Variants in UBE3B observed in about 807,000 individuals in gnomAD.
The protein encoded by UBE3B is ubiquitin protein ligase E3B.
In UBE3B, 80 loss-of-function variants were observed where a neutral mutation model predicts 132.3. The ratio of observed to expected loss-of-function variants is 0.60; its 90% confidence interval spans 0.50 to 0.73. The LOEUF (loss-of-function observed/expected upper bound fraction) is 0.73, where lower values mean the gene tolerates loss of function less well. Ranked by LOEUF, UBE3B falls within the 30% of genes least tolerant of loss-of-function variation. The pLI is 0.00. For synonymous variants in UBE3B, 487 were observed against 520.4 expected, an observed-to-expected ratio of 0.94 and a Z score of 0.87; for missense variants, 1,196 against 1,362.5, an observed-to-expected ratio of 0.88 and a Z score of 1.92.
At position 109,530,011 on chromosome 12, in the gene UBE3B, A is replaced by G. The variant is rs768598293; in HGVS notation, c.2749A>G (p.Thr917Ala). 7 of 1,612,742 alleles carry G rather than the reference A, an allele frequency of 4.3e-6. No individual in the cohort carries two copies. In the East Asian group the frequency reaches 8.9e-5, roughly 21 times the overall value. The part of the protein sequence containing the change: ...IKPEWIRMFS[T>A]PELQRLISGD... ...ACCCGAGTGGATCCGAATGTTCTCA[A>G]CTCCTGAACTGCAGCGTCTCATCTC... The change falls in exon 25 of 28, where the codon ACT (threonine) becomes GCT (alanine). Residue 917 changes from threonine to alanine, a missense_variant. By Grantham distance (58) the Thr-to-Ala change is moderately conservative. Transcript: ENST00000342494.
At position 109,495,937 on chromosome 12, in the gene UBE3B, TGTTTATGGCCAGTTTTGGGGCCA is replaced by T. The variant is rs1186814216; in HGVS notation, c.714-1868_714-1846del. On this transcript the variant is annotated intron_variant, in intron 9 of 27. Coordinates refer to ENST00000342494, the MANE Select transcript of UBE3B (RefSeq NM_130466.4). The stretch of plus-strand genomic sequence containing the variant: ...ACATGTCACAATGCTGCAGAGATTT[TGTTTATGGCCAGTTTTGGGGCCA>T]GTTTATGGCCAGATTTTGGGGGCCT... Among the ~76,000 whole-genome samples, 7 of 152,256 alleles carry T rather than the reference TGTTTATGGCCAGTTTTGGGGCCA, an allele frequency of 4.6e-5. No homozygotes were observed. In the East Asian group the frequency reaches 1.3e-3, roughly 29 times the overall value.
At chr12:109,542,750 C>A in the UBE3B span, among the ~76,000 whole-genome samples, 3 of 152,210 alleles carry the variant, frequency 2.0e-5, no homozygotes, top group Non-Finnish European at 2.9e-5. Context: ...AGGCTAGGAA[C>A]AGATTCTCCT....
Position 109,511,392 on chromosome 12 carries a change from G to A in UBE3B, c.1956+89G>A, listed in dbSNP as rs1681203356. 1.4e-5 allele frequency: 16 copies of A among 1,169,024 alleles called. No homozygotes were observed. The South Asian group carries it at 2.1e-4, about 15-fold the overall frequency. 72.4% of individuals were successfully genotyped at this position (1,169,024 alleles called of 1,614,324 possible). A position where few individuals can be genotyped will look rare whatever the true frequency, so the allele number is the denominator to read the frequency against. ...TCCATCCTTGCTATGGCAATTGGAG[G>A]TGACTAAGTGGGATCATTCATTCAG... On this transcript the variant is annotated intron_variant, in intron 18 of 27. Coordinates refer to ENST00000342494, the MANE Select transcript of UBE3B (RefSeq NM_130466.4).
chr12:109,543,365 C>T, the UBE3B span, among the ~76,000 whole-genome samples: 3 of 111,870 alleles, frequency 2.7e-5, no homozygotes, highest in Admixed American at 8.4e-5. Flanking sequence ...GGGAGTGGCT[C>T]GGCACGGGGT....
At position 109,491,818 on chromosome 12, in the gene UBE3B, C is replaced by G. The variant is rs545671482; in HGVS notation, c.713+691C>G. On this transcript the variant is annotated intron_variant, in intron 9 of 27. Coordinates refer to ENST00000342494, the MANE Select transcript of UBE3B (RefSeq NM_130466.4). ...CCCCCATCTGTGGATCTACAGTACA[C>G]CTTCATGCTGAGAGCTCTGAGAAGT... 19 of 152,356 alleles carry G rather than the reference C, an allele frequency of 1.2e-4. No individual in the cohort carries two copies. The East Asian group carries it at 3.7e-3, about 29-fold the overall frequency. 9.4% of individuals were successfully genotyped at this position (152,356 alleles called of 1,614,324 possible).
intron 4 of UBE3B, among the ~76,000 whole-genome samples, chr12:109,484,382 T>C: frequency 6.6e-6 from 1 of 152,140 alleles, no homozygotes; most frequent in East Asian, 1.9e-4. Context: ...CACACCTCGG[T>C]GGTGGACTCA....
intron 16 of UBE3B, 46 bp from the exon 17 acceptor site, chr12:109,510,298 C>G: frequency 6.7e-7 from 1 of 1,490,738 alleles, no homozygotes; most frequent in East Asian, 2.4e-5. Flanking sequence ...CCCTTGCTCT[C>G]TGGCTCTGAC....
chr12:109,527,902 G>C (rs1592968143), intron 24 of UBE3B, among the ~76,000 whole-genome samples: 1 of 152,184 alleles, frequency 6.6e-6, no homozygotes, highest in African/African-American at 2.4e-5. Flanking sequence ...TGGGTGACGT[G>C]TCACATGGAT....
intron 18 of UBE3B, among the ~76,000 whole-genome samples, chr12:109,515,357 C>T (rs974283069): frequency 1.0e-5 from 1 of 99,322 alleles, no homozygotes; most frequent in African/African-American, 5.2e-5. Context: ...ACTATTATTA[C>T]TGTTTTTTTG....
rs1566076790 is a variant in UBE3B at position 109,488,673 on chromosome 12, G to A, written c.544+5G>A. 4.3e-6 allele frequency: 7 copies of A among 1,613,024 alleles called. No homozygotes were observed. In the East Asian group the frequency reaches 1.1e-4, roughly 26 times the overall value. ...GGAAAATTCTTCGGGGAAAAGGTCT[G>A]TGGGACTTGCTTCAAAATGTTCTCT... On this transcript the variant is annotated splice_donor_5th_base_variant and intron_variant, in intron 7 of 27. Transcript: ENST00000342494.
chr12:109,487,591 C>T (rs1876730387), intron 6 of UBE3B, among the ~76,000 whole-genome samples: 1 of 152,210 alleles, frequency 6.6e-6, no homozygotes, highest in East Asian at 1.9e-4. Flanking sequence ...GCCAAGTGAG[C>T]AGGGTATTTC....
At chr12:109,484,214 AG>A (rs1875982712) in intron 4 of UBE3B, among the ~76,000 whole-genome samples, 1 of 152,074 alleles carries the variant, frequency 6.6e-6, no homozygotes, top group South Asian at 2.1e-4. Flanking sequence ...TGCAAGAGTC[AG>A]GAAGTTTAGG....
chr12:109,538,125 T>A (rs1883520703), downstream of UBE3B, among the ~76,000 whole-genome samples: 1 of 152,260 alleles, frequency 6.6e-6, no homozygotes, highest in Admixed American at 6.5e-5. This position sits in a 1 kb window ranked among gnomAD's most constrained non-coding sequence, Gnocchi z 4.1. Context: ...CTGACAGAAC[T>A]TGCAAGTGCC....
chr12:109,483,923 G>A lies in UBE3B; in HGVS notation c.224G>A (p.Cys75Tyr). The A allele has an allele frequency of 1.9e-6, 3 of 1,614,040 alleles. No homozygotes were observed. The highest frequency in any genetic ancestry group is 2.5e-6 in the Non-Finnish European group (3 of 1,179,976). The stretch of plus-strand genomic sequence containing the variant: ...GAGTCCACTAAAAGAAGTGCACTTT[G>A]TATTTTCAAGATTGCCAGGAAACTG... The part of the protein sequence containing the change: ...DPESTKRSAL[C>Y]IFKIARKLLF... Residue 75 changes from cysteine (C) to tyrosine (Y), a missense_variant, in exon 4 of 28, where the codon TGT (cysteine) becomes TAT (tyrosine). Coordinates refer to ENST00000342494, the MANE Select transcript of UBE3B (RefSeq NM_130466.4).
In UBE3B at chr12:109,521,593, A is replaced by G. The variant is rs1309179471; in HGVS notation, c.2364+42A>G. The G allele has an allele frequency of 6.7e-7, 1 of 1,500,478 alleles. No individual in the cohort carries two copies. Among genetic ancestry groups the G allele is most frequent in the Non-Finnish European group, 9.0e-7 (1 of 1,112,224 alleles). 92.9% of individuals were successfully genotyped at this position (1,500,478 alleles called of 1,614,324 possible). ...ACAGAGAAATGTAAAATAAAATGTT[A>G]ACGGTACCATGGGCTTCTTCACATA... On this transcript the variant is annotated intron_variant, in intron 21 of 27. Transcript: ENST00000342494. This position sits in a 1 kb window ranked among gnomAD's most constrained non-coding sequence, Gnocchi z 4.2.
At position 109,521,629 on chromosome 12, in the gene UBE3B, ATC is replaced by A; in HGVS notation, c.2364+79_2364+80del. ...GGGCTTCTTCACATACACATATGTG[ATC>A]AGGCTTGGCCATGTAAACTGTCACT... On this transcript the variant is annotated intron_variant, in intron 21 of 27. Coordinates refer to ENST00000342494, the MANE Select transcript of UBE3B (RefSeq NM_130466.4). This position sits in a 1 kb window ranked among gnomAD's most constrained non-coding sequence, Gnocchi z 4.2. The A allele has an allele frequency of 5.9e-6, 8 of 1,355,656 alleles. No individual in the cohort carries two copies. Among genetic ancestry groups the A allele is most frequent in the South Asian group, 1.5e-5 (1 of 65,942 alleles). The allele number at this position is 1,355,656 out of a possible 1,614,324, so 84.0% of individuals were successfully genotyped here. A position where few individuals can be genotyped will look rare whatever the true frequency, so the allele number is the denominator to read the frequency against.
intron 19 of UBE3B, among the ~76,000 whole-genome samples, chr12:109,519,356 C>T (rs1354449328): frequency 1.3e-5 from 2 of 152,216 alleles, no homozygotes; most frequent in African/African-American, 4.8e-5. Flanking sequence ...CGCATATCCA[C>T]GCCAGTTCCC....
chr12:109,504,414 G>A (rs7139074), intron 14 of UBE3B, among the ~76,000 whole-genome samples: 13,019 of 152,274 alleles, frequency 0.085, 1,301 homozygotes, highest in African/African-American at 0.24. Context: ...TTTAGAGGTA[G>A]AAGATATGGG....
Position 109,524,121 on chromosome 12 carries a change from C to T in UBE3B, c.2502+6C>T. On this transcript the variant is annotated splice_donor_region_variant and intron_variant, in intron 22 of 27. Transcript: ENST00000342494. ...AAAACCTCACCTCCATCAAGGTGAGCATGGAATGGTGGGTGAGCTAAGCCG... is the reference window on the plus strand; with the variant it reads ...AAAACCTCACCTCCATCAAGGTGAGTATGGAATGGTGGGTGAGCTAAGCCG... The T allele has an allele frequency of 6.2e-7, 1 of 1,614,014 alleles. No individual in the cohort carries two copies. Among genetic ancestry groups the T allele is most frequent in the Non-Finnish European group, 8.5e-7 (1 of 1,179,988 alleles).
Sources: gnomAD v4.1 joint callset for allele counts (sites outside exome capture counted in the v4.1 genomes callset) on GRCh38, gnomAD v4.1.1 for gene constraint, Gnocchi (gnomAD v3.1) non-coding constraint, MANE v1.5 for transcripts, NCBI Gene and HGNC (gene_info 2026-07-23, HGNC 2026-07-21) for gene names.